COPS4: variants seen among roughly 807,000 people sequenced by gnomAD.
COPS4 encodes COP9 signalosome subunit 4.
Under a neutral mutation model 55.1 loss-of-function variants are expected in COPS4, and 8 were observed. That is an observed-to-expected ratio of 0.15 (90% CI 0.09 to 0.26). COPS4 has a LOEUF of 0.26. Among genes scored for constraint, COPS4 ranks in the 10% least tolerant of loss-of-function variants. The pLI, the probability that COPS4 is intolerant of heterozygous loss-of-function variation, is 1.00. For synonymous variants in COPS4, 185 were observed against 165.7 expected (o/e 1.12, Z -0.90); for missense variants, 248 against 484.0 (o/e 0.51, Z 4.58).
intron 4 of COPS4, 119 bp downstream of exon 4, chr4:83,050,103 G>A: frequency 1.6e-6 from 1 of 627,798 alleles, no homozygotes. Flanking sequence ...AAATTGTGTA[G>A]TATGTTAGAA....
At position 83,057,499 on chromosome 4, in the gene COPS4, A is replaced by G. The variant is rs916606960; in HGVS notation, c.715+91A>G. On this transcript the variant is annotated intron_variant, in intron 6 of 9. Transcript: ENST00000264389. ...CTGTTGGAAAATTTAGCAAGGAACT[A>G]TTCTTCAAAAGGATGTCTTCATAAT... is the stretch of plus-strand genomic sequence containing the variant. 1.9e-5 allele frequency: 19 copies of G among 995,622 alleles called. No homozygotes were observed. The African/African-American group carries it at 2.6e-4, about 14-fold the overall frequency. The allele number at this position is 995,622 out of a possible 1,614,324, so 61.7% of individuals were successfully genotyped here.
chr4:83,037,635 A>G (rs1269052094), intron 1 of COPS4, among the ~76,000 whole-genome samples: 1 of 152,120 alleles, frequency 6.6e-6, no homozygotes, highest in African/African-American at 2.4e-5. Flanking sequence ...CCCTTGAAAT[A>G]TATCAGTGTG....
chr4:83,057,984 G>GAAGT (rs1160130386), intron 6 of COPS4, among the ~76,000 whole-genome samples: 1 of 144,688 alleles, frequency 6.9e-6, no homozygotes, highest in East Asian at 2.0e-4. Context: ...TTTCACTAAA[G>GAAGT]AAGTGGATAT....
rs1731480057 is a variant in COPS4 at position 83,073,095 on chromosome 4, A to G, written c.1088-2202A>G. 1.3e-5 allele frequency: 6 copies of G among 470,142 alleles called. No individual in the cohort carries two copies. The Admixed American group carries it at 2.1e-4, about 16-fold the overall frequency. 29.1% of individuals were successfully genotyped at this position (470,142 alleles called of 1,614,324 possible). A position where few individuals can be genotyped will look rare whatever the true frequency, so the allele number is the denominator to read the frequency against. The stretch of plus-strand genomic sequence containing the variant: ...TAAACAATTCAATGGCCTGTAGTAT[A>G]TTTACAATGTTGTACAACCTCTATC... On this transcript the variant is annotated intron_variant, in intron 9 of 9. Transcript: ENST00000264389.
intron 8 of COPS4, among the ~76,000 whole-genome samples, chr4:83,067,091 A>G (rs1731309020): frequency 6.6e-6 from 1 of 151,718 alleles, no homozygotes. Flanking sequence ...TTTTAGAGAC[A>G]GGGTCTTGTT....
In COPS4 at chr4:83,066,425, A is replaced by C. The variant is rs1364716157; in HGVS notation, c.887-13A>C. The C allele has an allele frequency of 1.4e-6, 2 of 1,380,270 alleles. No individual in the cohort carries two copies. 85.5% of individuals were successfully genotyped at this position (1,380,270 alleles called of 1,614,324 possible). ...CTAGTTTCAAACTTGTAACTGTCTTATTTATGTTTAAGGTTCCAGCATCTT... is the reference window on the plus strand; with the variant it reads ...CTAGTTTCAAACTTGTAACTGTCTTCTTTATGTTTAAGGTTCCAGCATCTT... On this transcript the variant is annotated splice_polypyrimidine_tract_variant and intron_variant, in intron 7 of 9. Transcript: ENST00000264389.
intron 6 of COPS4, among the ~76,000 whole-genome samples, chr4:83,060,763 G>A (rs1298701543): frequency 2.0e-5 from 3 of 151,488 alleles, no homozygotes; most frequent in Non-Finnish European, 4.4e-5. Flanking sequence ...GGCCAGGCAC[G>A]GTGGCTCACG....
intron 6 of COPS4, among the ~76,000 whole-genome samples, chr4:83,061,556 A>G (rs775716416): frequency 2.0e-5 from 3 of 152,108 alleles, no homozygotes; most frequent in Non-Finnish European, 4.4e-5. Context: ...ACCACAATTC[A>G]TTTATCTTAA....
At chr4:83,038,608 T>C (rs140010787) in intron 1 of COPS4, among the ~76,000 whole-genome samples, 2 of 139,188 alleles carry the variant, frequency 1.4e-5, no homozygotes, top group Admixed American at 7.7e-5. Flanking sequence ...CTAAAAATTA[T>C]ATTAGCACTT....
intron 4 of COPS4, among the ~76,000 whole-genome samples, chr4:83,055,851 T>C (rs532194325): frequency 6.6e-6 from 1 of 152,270 alleles, no homozygotes; most frequent in South Asian, 2.1e-4. Flanking sequence ...ATTTTACAAA[T>C]GAATATCCTT....
intron 9 of COPS4, among the ~76,000 whole-genome samples, chr4:83,071,962 G>T (rs921968562): frequency 1.3e-5 from 2 of 151,962 alleles, no homozygotes; most frequent in African/African-American, 2.4e-5. Flanking sequence ...CGCCCGCCTC[G>T]GCCTCCCAAA....
chr4:83,052,775 C>T (rs887233403), intron 4 of COPS4, among the ~76,000 whole-genome samples: 3 of 152,066 alleles, frequency 2.0e-5, no homozygotes, highest in Admixed American at 6.6e-5. Flanking sequence ...TTAGTAGAAA[C>T]GGGGTTTCAC....
chr4:83,063,006 GGTTTTTTTTTCCTGAAGA>G (rs1731200582), intron 6 of COPS4, 52 bp from the exon 7 acceptor site: 1 of 1,352,410 alleles, frequency 7.4e-7, no homozygotes, highest in Admixed American at 2.6e-5. Flanking sequence ...TCATAAGATA[GGTTTTTTTTTCCTGAAGA>G]AACATTGTGA....
intron 7 of COPS4, among the ~76,000 whole-genome samples, chr4:83,066,151 CAAAA>C (rs992480413): frequency 6.8e-6 from 1 of 146,580 alleles, no homozygotes; most frequent in Non-Finnish European, 1.5e-5. Flanking sequence ...AACTCTGTCT[CAAAA>C]AAAAAAGTTA....
At chr4:83,057,497 C>A in intron 6 of COPS4, 89 bp downstream of exon 6, 1 of 1,031,940 alleles carries the variant, frequency 9.7e-7, no homozygotes, top group Non-Finnish European at 1.4e-6. Flanking sequence ...TAGCAAGGAA[C>A]TATTCTTCAA....
At position 83,075,595 on chromosome 4, in the gene COPS4, A is replaced by C. The variant is rs1731553798; in HGVS notation, c.*165A>C. 2 of 672,992 alleles carry C rather than the reference A, an allele frequency of 3.0e-6. No homozygotes were observed. The highest frequency in any genetic ancestry group is 3.5e-5 in the Admixed American group (1 of 28,682). 41.7% of individuals were successfully genotyped at this position (672,992 alleles called of 1,614,324 possible). On this transcript the variant is annotated 3_prime_UTR_variant, in exon 10 of 10. Transcript: ENST00000264389. The stretch of plus-strand genomic sequence containing the variant: ...AGAGCAGGAAGTACAAGCATTTAAA[A>C]TATGTAGTTCCCATATATTTCAGGG...
At chr4:83,073,135 C>T (rs755570764) in intron 9 of COPS4, 16 of 519,216 alleles carry the variant, frequency 3.1e-5, no homozygotes, top group Admixed American at 9.0e-5. Context: ...TCTAGTTTCA[C>T]GACATTTTCA....
Position 83,063,170 on chromosome 4 carries a change from T to C in COPS4, c.810T>C (p.Asp270=), listed in dbSNP as rs200927595. ...GGATCCTAGAGAAAATGTATCTAGA[T>C]AGGATCATCAGAGGAAATCAACTTC... is the stretch of plus-strand genomic sequence containing the variant. The part of the protein sequence containing the change: ...AYGILEKMYL[D]RIIRGNQLQE... Residue 270 remains aspartate, a synonymous_variant, in exon 7 of 10, where the codon GAT becomes GAC. Transcript: ENST00000264389. The C allele has an allele frequency of 4.3e-6, 7 of 1,612,684 alleles. No homozygotes were observed. Among genetic ancestry groups the C allele is most frequent in the East Asian group, 2.2e-5 (1 of 44,832 alleles).
chr4:83,047,582 T>TA lies in COPS4; in HGVS notation c.155-1584_155-1583insA, dbSNP rs1306352573. ...CAATTAAAAAACATATATATATATA[T>TA]TTTTTGATCTTTGTATAAGCTTTGA... On this transcript the variant is annotated intron_variant, in intron 2 of 9. Transcript: ENST00000264389. Among the ~76,000 whole-genome samples, 23 of 152,042 alleles carry TA rather than the reference T, an allele frequency of 1.5e-4. No individual in the cohort carries two copies. In the East Asian group the frequency reaches 3.1e-3, roughly 20 times the overall value.
Sources: allele counts gnomAD v4.1 joint callset (sites outside exome capture counted in the v4.1 genomes callset), GRCh38; gene constraint gnomAD v4.1.1; transcripts MANE v1.5; gene names NCBI Gene and HGNC (gene_info 2026-07-23, HGNC 2026-07-21).